CCNH: variants seen among roughly 807,000 people sequenced by gnomAD.
CCNH encodes the protein cyclin-H.
CCNH carries 31 observed loss-of-function variants against 41.9 expected under a neutral mutation model. The observed-to-expected ratio is 0.74, with a 90% CI of 0.56 to 1.00. The LOEUF (loss-of-function observed/expected upper bound fraction) is 1.00. Among genes scored for constraint, CCNH ranks in the 50% least tolerant of loss-of-function variants. CCNH has a pLI of 0.00. For synonymous variants in CCNH, 138 were observed against 136.1 expected, an observed-to-expected ratio of 1.01 and a Z score of -0.10; for missense variants, 362 against 388.4, an observed-to-expected ratio of 0.93 and a Z score of 0.57.
rs867300362 is a variant in CCNH, at chr5:87,338,538, T to A, written c.*91-19641A>T. On this transcript the variant is annotated intron_variant and NMD_transcript_variant, in intron 9 of 9. Coordinates refer to the CCNH transcript ENST00000645953. ...ATATATATATATATATATATAAAAT[T>A]TTTTTTTTTTTTAAGTAGAAATGGG... Among the ~76,000 whole-genome samples the A allele has an allele frequency of 7.3e-3, 965 of 132,794 alleles. 59 individuals carry two copies. The highest frequency in any genetic ancestry group is 0.048 in the Admixed American group (614 of 12,832). 87.1% of individuals were successfully genotyped at this position (132,794 alleles called of 152,430 possible).
At chr5:87,349,751 T>A (rs1468326097) in intron 9 of CCNH, among the ~76,000 whole-genome samples, 2 of 151,928 alleles carry the variant, frequency 1.3e-5, no homozygotes, top group African/African-American at 4.8e-5. Context: ...ACCTGAGACT[T>A]ATTATACAGA....
intron 9 of CCNH, among the ~76,000 whole-genome samples, chr5:87,339,998 G>A (rs994360291): frequency 1.3e-5 from 2 of 152,070 alleles, no homozygotes; most frequent in Non-Finnish European, 2.9e-5. Flanking sequence ...ATACTTTCAT[G>A]TATTAACTCT....
At chr5:87,386,848 A>G, downstream of CCNH, 1 of 1,613,000 alleles carries the variant, frequency 6.2e-7, no homozygotes, top group Non-Finnish European at 8.5e-7. Flanking sequence ...GAAGGTGTCA[A>G]TCCATTCATC....
At chr5:87,364,290 A>G (rs1760338918) in intron 9 of CCNH, among the ~76,000 whole-genome samples, 1 of 152,146 alleles carries the variant, frequency 6.6e-6, no homozygotes, top group Non-Finnish European at 1.5e-5. Flanking sequence ...TGTAAAATAT[A>G]TAGCCTTGTC....
At chr5:87,342,300 C>G (rs908891160) in intron 9 of CCNH, among the ~76,000 whole-genome samples, 1 of 151,792 alleles carries the variant, frequency 6.6e-6, no homozygotes, top group Non-Finnish European at 1.5e-5. Context: ...CTGGGACCAC[C>G]GGCGCACAAC....
intron 2 of CCNH, among the ~76,000 whole-genome samples, chr5:87,410,314 TTA>T (rs1561358393): frequency 6.6e-6 from 1 of 152,196 alleles, no homozygotes; most frequent in East Asian, 1.9e-4. Context: ...CTGCCTCATT[TTA>T]CAGTTCTTTT....
At chr5:87,387,698 A>G (rs1219427449), downstream of CCNH, among the ~76,000 whole-genome samples, 1 of 152,154 alleles carries the variant, frequency 6.6e-6, no homozygotes, top group Non-Finnish European at 1.5e-5. Context: ...ATTTGTGGCA[A>G]ACAAATCAGG....
chr5:87,333,878 T>C (rs1757769199), intron 9 of CCNH, among the ~76,000 whole-genome samples: 1 of 152,204 alleles, frequency 6.6e-6, no homozygotes, highest in African/African-American at 2.4e-5. Context: ...CTGACACATT[T>C]TTATTTGTAA....
chr5:87,374,832 T>C, downstream of CCNH: 4 of 1,609,716 alleles, frequency 2.5e-6, no homozygotes, highest in Non-Finnish European at 3.4e-6. Flanking sequence ...TTCTCCTTGC[T>C]CCTTTAGTGA....
chr5:87,382,651 C>T (rs1417103442), intron 9 of CCNH, among the ~76,000 whole-genome samples: 1 of 152,160 alleles, frequency 6.6e-6, no homozygotes, highest in Non-Finnish European at 1.5e-5. Context: ...TCTATGCAAG[C>T]TTTTAACACT....
At chr5:87,389,279 C>T (rs776418789), downstream of CCNH, 17 of 1,380,870 alleles carry the variant, frequency 1.2e-5, no homozygotes, top group African/African-American at 2.9e-5. Context: ...TGCAGTGAGC[C>T]GAGATCATGC....
intron 9 of CCNH, among the ~76,000 whole-genome samples, chr5:87,344,174 A>C (rs1208913671): frequency 6.6e-6 from 1 of 152,136 alleles, no homozygotes; most frequent in Non-Finnish European, 1.5e-5. Flanking sequence ...AAATAACTAA[A>C]AGAGTGGAAT....
At chr5:87,378,692 T>C (rs1456622493), upstream of CCNH, among the ~76,000 whole-genome samples, 1 of 152,214 alleles carries the variant, frequency 6.6e-6, no homozygotes, top group African/African-American at 2.4e-5. Flanking sequence ...TATAAAAATG[T>C]TCTGCAAAAT....
At chr5:87,385,629 A>G (rs1174740936) in intron 9 of CCNH, among the ~76,000 whole-genome samples, 1 of 152,128 alleles carries the variant, frequency 6.6e-6, no homozygotes, top group Non-Finnish European at 1.5e-5. Context: ...AGTGTACTCA[A>G]ATTCTCCCAC....
In CCNH at chr5:87,394,809, C is replaced by T; in HGVS notation, c.933+235G>A. The T allele has an allele frequency of 9.5e-6, 13 of 1,368,538 alleles. No homozygotes were observed. The South Asian group carries it at 2.5e-4, about 27-fold the overall frequency. 84.8% of individuals were successfully genotyped at this position (1,368,538 alleles called of 1,614,324 possible). The stretch of plus-strand genomic sequence containing the variant: ...AAAAAGCAAAAATGTAGTATGTATA[C>T]ATATTGCTTCTGCTTTCTATGAACA... On this transcript the variant is annotated intron_variant, in intron 8 of 8. Transcript: ENST00000256897.
At chr5:87,317,598 G>A (rs1318582231), downstream of CCNH, among the ~76,000 whole-genome samples, 1 of 150,190 alleles carries the variant, frequency 6.7e-6, no homozygotes, top group African/African-American at 2.4e-5. Flanking sequence ...AGGAAAAGAT[G>A]ACCTTTTTCC....
At chr5:87,374,906 T>C (rs1288921265), downstream of CCNH, 1 of 1,607,238 alleles carries the variant, frequency 6.2e-7, no homozygotes, top group East Asian at 2.2e-5. Flanking sequence ...AAAGCAAAGA[T>C]CCTGATATCT....
At chr5:87,357,140 C>G (rs1036154122) in intron 9 of CCNH, among the ~76,000 whole-genome samples, 1 of 152,068 alleles carries the variant, frequency 6.6e-6, no homozygotes, top group Non-Finnish European at 1.5e-5. Flanking sequence ...ATTTTAACAT[C>G]CATCTTGTTT....
At chr5:87,391,414 A>G (rs1050788460), downstream of CCNH, 2 of 249,168 alleles carry the variant, frequency 8.0e-6, no homozygotes, top group African/African-American at 4.4e-5. Flanking sequence ...TAATAGGAAC[A>G]ATCTTTGCTG....
Sources: gnomAD v4.1 joint callset for allele counts (sites outside exome capture counted in the v4.1 genomes callset) on GRCh38, gnomAD v4.1.1 for gene constraint, MANE v1.5 for transcripts, NCBI Gene and HGNC (gene_info 2026-07-23, HGNC 2026-07-21) for gene names.